The following URB2 variants were observed in gnomAD, a reference collection of about 807,000 sequenced individuals.
URB2 encodes the protein URB2 ribosome biogenesis homolog, also known as unhealthy ribosome biogenesis protein 2 homolog.
URB2 carries 86 observed loss-of-function variants against 120.9 expected under a neutral mutation model. The ratio of observed to expected loss-of-function variants is 0.71; its 90% confidence interval spans 0.60 to 0.85. The LOEUF (loss-of-function observed/expected upper bound fraction) is 0.85. Among genes scored for constraint, URB2 ranks in the 40% least tolerant of loss-of-function variants. URB2 has a pLI of 0.00. For synonymous variants in URB2, 755 were observed against 758.4 expected (o/e 1.00, Z 0.07); for missense variants, 1,765 against 1,836.5 (o/e 0.96, Z 0.71).
At position 229,635,058 on chromosome 1, in the gene URB2, T is replaced by A. The variant is rs1176657549; in HGVS notation, c.445T>A (p.Leu149Met). The change falls in exon 4 of 10, where the codon TTG becomes ATG. Residue 149 changes from leucine to methionine, a missense_variant. By Grantham distance (15) the Leu-to-Met change is conservative. Transcript: ENST00000258243. ...GGCCAAACAGGAGCTGATGGTGGCC[T>A]TGCTGAGCCAGCTTTGCTGGTCGGC... ...YTAKQELMVALLSQLCWSACR... is the reference protein window; with the variant it reads ...YTAKQELMVAMLSQLCWSACR... The A allele has an allele frequency of 3.7e-6, 6 of 1,614,030 alleles. No individual in the cohort carries two copies. The highest frequency in any genetic ancestry group is 5.1e-6 in the Non-Finnish European group (6 of 1,180,006).
intron 2 of URB2, among the ~76,000 whole-genome samples, chr1:229,630,647 T>C (rs1161030943): frequency 6.6e-6 from 1 of 152,102 alleles, no homozygotes; most frequent in Non-Finnish European, 1.5e-5. Flanking sequence ...AGCCTGTCCT[T>C]TGAAGCTTTG....
rs1399540457 is a variant in URB2 at position 229,637,186 on chromosome 1, A to G, written c.2573A>G (p.Lys858Arg). The G allele has an allele frequency of 6.2e-7, 1 of 1,613,808 alleles. No homozygotes were observed. Among genetic ancestry groups the G allele is most frequent in the Admixed American group, 1.7e-5 (1 of 60,000 alleles). Residue 858 changes from lysine to arginine, a missense_variant, in exon 4 of 10, where the codon AAA becomes AGA. Transcript: ENST00000258243. ...GGTCATTGGGAAAACAGATTTGCAA[A>G]AGCTGGACCCGAAGGTATAGAACCT... The part of the protein sequence containing the change: ...VVGHWENRFA[K>R]AGPEGIEPRG...
chr1:229,639,381 A>G (rs1234877498), intron 4 of URB2, among the ~76,000 whole-genome samples: 1 of 146,428 alleles, frequency 6.8e-6, no homozygotes, highest in Non-Finnish European at 1.5e-5. Context: ...GTCTACCAGG[A>G]TGGAGTGCAG....
At chr1:229,642,121 G>A (rs989047303) in intron 4 of URB2, among the ~76,000 whole-genome samples, 3 of 152,118 alleles carry the variant, frequency 2.0e-5, no homozygotes, top group Non-Finnish European at 2.9e-5. Context: ...ACAGACATTC[G>A]CACAAATCAC....
In URB2 at chr1:229,652,143, T is replaced by C. The variant is rs572831583; in HGVS notation, c.4237+821T>C. Among the ~76,000 whole-genome samples, 8 of 151,962 alleles carry C rather than the reference T, an allele frequency of 5.3e-5. No individual in the cohort carries two copies. In the East Asian group the frequency reaches 1.2e-3, roughly 22 times the overall value. On this transcript the variant is annotated intron_variant, in intron 8 of 9. Coordinates refer to ENST00000258243, the MANE Select transcript of URB2 (RefSeq NM_014777.4). ...GTTGCAATGAGCTGAGATCGCGCCA[T>C]TGCACTCCAGCCTGGGCGATAGAGC...
At chr1:229,654,524 G>T in intron 9 of URB2, 136 bp downstream of exon 9, 1 of 1,292,276 alleles carries the variant, frequency 7.7e-7, no homozygotes, top group Non-Finnish European at 1.1e-6. Context: ...ACAGGGTTTT[G>T]CTCTCTCACT....
At chr1:229,645,176 C>T (rs901308427) in intron 5 of URB2, among the ~76,000 whole-genome samples, 1 of 151,468 alleles carries the variant, frequency 6.6e-6, no homozygotes. Flanking sequence ...TCCCAGCCAC[C>T]TGGGAGGCTG....
At chr1:229,647,433 C>T in intron 6 of URB2, 77 bp from the exon 7 acceptor site, 4 of 1,519,502 alleles carry the variant, frequency 2.6e-6, no homozygotes, top group Non-Finnish European at 3.6e-6. Flanking sequence ...CTACCTCAGT[C>T]ACTCAGAGCT....
Position 229,637,149 on chromosome 1 carries a change from C to T in URB2, c.2536C>T (p.His846Tyr), listed in dbSNP as rs758079967. ...QQLPWLFEKD[H>Y]MVVGHWENRF... ...GCTTCCCTGGCTTTTTGAAAAGGAC[C>T]ACATGGTTGTGGGTCATTGGGAAAA... The change falls in exon 4 of 10, where the codon CAC (histidine) becomes TAC (tyrosine). Residue 846 changes from histidine (H) to tyrosine (Y), a missense_variant. Transcript: ENST00000258243. The T allele has an allele frequency of 1.2e-6, 2 of 1,613,474 alleles. No individual in the cohort carries two copies. Among genetic ancestry groups the T allele is most frequent in the Non-Finnish European group, 1.7e-6 (2 of 1,179,736 alleles).
chr1:229,637,858 C>A lies in URB2; in HGVS notation c.3245C>A (p.Ala1082Glu). 1 of 1,603,254 alleles carries A rather than the reference C, an allele frequency of 6.2e-7. No homozygotes were observed. The highest frequency in any genetic ancestry group is 8.5e-7 in the Non-Finnish European group (1 of 1,175,356). ...CAGAAGCTGGGCCAAGAGGCCCCAGCAGCACTGTCTGAGCTGCTGCAGCAG... is the reference window on the plus strand; with the variant it reads ...CAGAAGCTGGGCCAAGAGGCCCCAGAAGCACTGTCTGAGCTGCTGCAGCAG... Reference protein sequence around the residue: ...KEQKLGQEAPAALSELLQQVV... With the variant: ...KEQKLGQEAPEALSELLQQVV... Residue 1082 changes from alanine to glutamate, a missense_variant, in exon 4 of 10, where the codon GCA (alanine) becomes GAA (glutamate). Coordinates refer to ENST00000258243, the MANE Select transcript of URB2 (RefSeq NM_014777.4).
At position 229,648,059 on chromosome 1, in the gene URB2, T is replaced by C. The variant is rs779586113; in HGVS notation, c.4149+307T>C. Among the ~76,000 whole-genome samples, 3 of 152,148 alleles carry C rather than the reference T, an allele frequency of 2.0e-5. No individual in the cohort carries two copies. In the South Asian group the frequency reaches 6.2e-4, roughly 32 times the overall value. Reference sequence around the variant, plus strand: ...GCTCCAAAGCTCGAAACTTTTAGAGTGCTGACATCATGCTACCAGTGGAAA... The same window carrying C: ...GCTCCAAAGCTCGAAACTTTTAGAGCGCTGACATCATGCTACCAGTGGAAA... On this transcript the variant is annotated intron_variant, in intron 7 of 9. Coordinates refer to ENST00000258243, the MANE Select transcript of URB2 (RefSeq NM_014777.4).
rs1383370019 is a variant in URB2, at chr1:229,636,359, C to T, written c.1746C>T (p.Pro582=). The change falls in exon 4 of 10, where the codon CCC becomes CCT. Residue 582 remains proline, a synonymous_variant. Coordinates refer to ENST00000258243, the MANE Select transcript of URB2 (RefSeq NM_014777.4). The part of the protein sequence containing the change: ...MERMMRELVQ[P]LLALLPDTPG... ...GGATGATGAGGGAGCTCGTGCAGCC[C>T]CTGCTGGCCCTTCTCCCGGACACCC... 1.2e-6 allele frequency: 2 copies of T among 1,614,188 alleles called. No individual in the cohort carries two copies. The highest frequency in any genetic ancestry group is 2.2e-5 in the South Asian group (2 of 91,084).
At chr1:229,634,873 G>A (rs1665752524) in intron 3 of URB2, 44 bp from the exon 4 acceptor site, 2 of 1,492,594 alleles carry the variant, frequency 1.3e-6, no homozygotes, top group Non-Finnish European at 1.8e-6. Context: ...TGTATGTATG[G>A]GTTTAAGGTC....
At chr1:229,652,056 C>T (rs1228420156) in intron 8 of URB2, among the ~76,000 whole-genome samples, 1 of 151,948 alleles carries the variant, frequency 6.6e-6, no homozygotes, top group East Asian at 1.9e-4. Flanking sequence ...ATGGTGGACT[C>T]CTGTAATCCG....
intron 5 of URB2, among the ~76,000 whole-genome samples, chr1:229,645,402 C>T (rs1286579665): frequency 2.6e-5 from 4 of 152,174 alleles, no homozygotes; most frequent in East Asian, 1.9e-4. Flanking sequence ...ATGTAGCACC[C>T]GTGACCACAG....
In URB2 at chr1:229,637,058, A is replaced by G. The variant is rs201601301; in HGVS notation, c.2445A>G (p.Val815=). The G allele has an allele frequency of 2.3e-5, 37 of 1,614,058 alleles. No individual in the cohort carries two copies. The Admixed American group carries it at 3.7e-4, about 16-fold the overall frequency. The change falls in exon 4 of 10, where the codon GTA becomes GTG. Residue 815 remains valine, a synonymous_variant. Transcript: ENST00000258243. ...QSLHSAFLTC[V]TTSCSSILCS... Reference sequence around the variant, plus strand: ...TTCATTCTGCTTTCTTAACGTGCGTAACCACAAGTTGCTCCAGCATTCTGT... The same window carrying G: ...TTCATTCTGCTTTCTTAACGTGCGTGACCACAAGTTGCTCCAGCATTCTGT...
At chr1:229,630,895 T>G (rs1167676253) in intron 2 of URB2, among the ~76,000 whole-genome samples, 1 of 146,222 alleles carries the variant, frequency 6.8e-6, no homozygotes, top group African/African-American at 2.6e-5. Context: ...GGCAGAAGAA[T>G]CGCTTAAACC....
chr1:229,631,660 A>G (rs1665670879), intron 2 of URB2, among the ~76,000 whole-genome samples: 1 of 152,228 alleles, frequency 6.6e-6, no homozygotes, highest in East Asian at 1.9e-4. Context: ...TCAGGGTAAT[A>G]GCATTTTGGT....
intron 2 of URB2, among the ~76,000 whole-genome samples, chr1:229,628,181 A>ATGT (rs371268510): frequency 1.4e-5 from 1 of 70,742 alleles, no homozygotes; most frequent in African/African-American, 4.8e-5. Flanking sequence ...ATATGTATAT[A>ATGT]ATATATATAA....
Sources: allele counts gnomAD v4.1 joint callset (sites outside exome capture counted in the v4.1 genomes callset), GRCh38; gene constraint gnomAD v4.1.1; transcripts MANE v1.5; gene names NCBI Gene and HGNC (gene_info 2026-07-23, HGNC 2026-07-21).